SCML4: variants seen among roughly 807,000 people sequenced by gnomAD.
SCML4 encodes sex comb on midleg-like protein 4.
Under a neutral mutation model 41.1 loss-of-function variants are expected in SCML4, and 34 were observed. That is an observed-to-expected ratio of 0.83 (90% CI 0.63 to 1.10). The LOEUF (loss-of-function observed/expected upper bound fraction) is 1.10, where lower values mean the gene tolerates loss of function less well. SCML4 is among the 50% of genes least tolerant of loss of function. The pLI is 0.00. For synonymous variants in SCML4, 214 were observed against 220.9 expected (o/e 0.97, Z 0.28); for missense variants, 522 against 534.1 (o/e 0.98, Z 0.22).
At chr6:107,792,510 T>C (rs1782407975) in intron 1 of SCML4, among the ~76,000 whole-genome samples, 2 of 152,078 alleles carry the variant, frequency 1.3e-5, no homozygotes, top group South Asian at 4.1e-4. Flanking sequence ...GGCAGGCGGA[T>C]CACCAGGTCA....
intron 5 of SCML4, chr6:107,740,044 A>C (rs1777441376): frequency 2.2e-6 from 1 of 446,634 alleles, no homozygotes; most frequent in Admixed American, 2.7e-5. Context: ...TGAGCTAGGA[A>C]AGGGCTCAAG....
chr6:107,829,873 C>T, the SCML4 span, among the ~76,000 whole-genome samples: 75,443 of 151,988 alleles, frequency 0.5, 19,943 homozygotes, highest in East Asian at 0.87. Context: ...TTGATAATGG[C>T]TCTCATAAAT....
intron 5 of SCML4, among the ~76,000 whole-genome samples, chr6:107,727,086 A>G (rs1776059607): frequency 6.6e-6 from 1 of 152,258 alleles, no homozygotes; most frequent in Non-Finnish European, 1.5e-5. Flanking sequence ...AAAGGAATGA[A>G]GTACTGATAT....
chr6:107,807,699 C>T (rs909563087), intron 1 of SCML4, among the ~76,000 whole-genome samples: 6 of 152,198 alleles, frequency 3.9e-5, no homozygotes, highest in African/African-American at 1.2e-4. Flanking sequence ...TAGGCACTCT[C>T]CTTGACTATA....
At chr6:107,749,417 C>T (rs1416385787) in intron 3 of SCML4, among the ~76,000 whole-genome samples, 1 of 152,080 alleles carries the variant, frequency 6.6e-6, no homozygotes, top group Non-Finnish European at 1.5e-5. Context: ...CCCTGTGCCC[C>T]GCTGTCATCC....
intron 2 of SCML4, chr6:107,755,681 AGCTGTCTATTTTGTTTTTTAAATGGAC>A: frequency 1.8e-6 from 2 of 1,110,256 alleles, no homozygotes; most frequent in Non-Finnish European, 2.4e-6. Context: ...AAAAAAAAAA[AGCTGTCTATTTTGTTTTTTAAATGGAC>A]AAAATAAAAC....
intron 1 of SCML4, among the ~76,000 whole-genome samples, chr6:107,799,731 T>C (rs1024463662): frequency 6.6e-6 from 1 of 152,170 alleles, no homozygotes; most frequent in Non-Finnish European, 1.5e-5. Context: ...ATTTCACTTA[T>C]ACTTTGTTCT....
chr6:107,766,369 C>CAA (rs11349348), intron 2 of SCML4, among the ~76,000 whole-genome samples: 7 of 89,960 alleles, frequency 7.8e-5, no homozygotes, highest in Non-Finnish European at 7.5e-5. Flanking sequence ...GACTCCGTCT[C>CAA]AAAAAAAAAA....
At chr6:107,820,506 GCTAAATTCC>G in intron 1 of SCML4, among the ~76,000 whole-genome samples, 1 of 152,326 alleles carries the variant, frequency 6.6e-6, no homozygotes, top group East Asian at 1.9e-4. Flanking sequence ...ATCAGAGGAA[GCTAAATTCC>G]AAGCCTCTGT....
intron 4 of SCML4, 65 bp downstream of exon 4, chr6:107,746,624 G>T: frequency 6.9e-7 from 1 of 1,446,674 alleles, no homozygotes. Context: ...CCAGGCCTGA[G>T]TATGGCTGCT....
At chr6:107,752,628 G>A (rs1437878229) in intron 2 of SCML4, among the ~76,000 whole-genome samples, 1 of 152,150 alleles carries the variant, frequency 6.6e-6, no homozygotes, top group Non-Finnish European at 1.5e-5. Context: ...GTTCTTTCAA[G>A]GAGGAGATAG....
At chr6:107,714,708 C>T (rs1024502430) in intron 6 of SCML4, among the ~76,000 whole-genome samples, 3 of 152,172 alleles carry the variant, frequency 2.0e-5, no homozygotes, top group Admixed American at 6.6e-5. Context: ...CTATAAAACA[C>T]CTCGTTGAGC....
chr6:107,831,271 C>T, the SCML4 span, among the ~76,000 whole-genome samples: 2 of 151,990 alleles, frequency 1.3e-5, no homozygotes, highest in South Asian at 4.1e-4. Flanking sequence ...ATGTTGATCA[C>T]CTGAGGTTCC....
intron 3 of SCML4, among the ~76,000 whole-genome samples, chr6:107,749,150 G>A (rs1420007247): frequency 1.3e-5 from 2 of 152,126 alleles, no homozygotes; most frequent in African/African-American, 4.8e-5. Context: ...GTGCGTGTGT[G>A]TGAGAGAGAG....
intron 2 of SCML4, among the ~76,000 whole-genome samples, chr6:107,764,602 C>T (rs368824599): frequency 9.9e-5 from 15 of 151,900 alleles, no homozygotes; most frequent in African/African-American, 3.1e-4. Context: ...TCCTCCTCAC[C>T]GAAGGAACCC....
intron 1 of SCML4, among the ~76,000 whole-genome samples, chr6:107,794,740 C>G (rs1399676897): frequency 6.6e-6 from 1 of 152,280 alleles, no homozygotes; most frequent in Admixed American, 6.5e-5. Flanking sequence ...TGACCACAAA[C>G]TTGGTGGCTT....
the SCML4 span, among the ~76,000 whole-genome samples, chr6:107,844,452 C>G: frequency 6.6e-6 from 1 of 152,234 alleles, no homozygotes; most frequent in African/African-American, 2.4e-5. Flanking sequence ...AATCCCAACA[C>G]GCTGGAAGGC....
the SCML4 span, among the ~76,000 whole-genome samples, chr6:107,837,122 G>A: frequency 1.3e-5 from 2 of 152,118 alleles, no homozygotes; most frequent in African/African-American, 4.8e-5. Flanking sequence ...CCATCTCTCT[G>A]GTAGACATCA....
chr6:107,832,133 G>A, the SCML4 span, among the ~76,000 whole-genome samples: 6 of 152,116 alleles, frequency 3.9e-5, no homozygotes, highest in Admixed American at 3.9e-4. Flanking sequence ...CAGCTACTCG[G>A]GAGGCTGAGG....
Sources: gnomAD v4.1 joint callset for allele counts (sites outside exome capture counted in the v4.1 genomes callset) on GRCh38, gnomAD v4.1.1 for gene constraint, MANE v1.5 for transcripts, NCBI Gene and HGNC (gene_info 2026-07-23, HGNC 2026-07-21) for gene names.